WBP11: variants seen among roughly 807,000 people sequenced by gnomAD.
WBP11 encodes WW domain-binding protein 11.
A neutral mutation model predicts 66.7 loss-of-function variants in WBP11; 12 were observed. The ratio of observed to expected loss-of-function variants is 0.18; its 90% confidence interval spans 0.12 to 0.29. The LOEUF (loss-of-function observed/expected upper bound fraction) is 0.29, where lower values mean the gene tolerates loss of function less well. WBP11 is among the 10% of genes least tolerant of loss of function. WBP11 has a pLI of 1.00. For missense variants in WBP11, 555 were observed against 818.3 expected, an observed-to-expected ratio of 0.68 and a Z score of 3.93; for synonymous variants, 255 against 273.8, an observed-to-expected ratio of 0.93 and a Z score of 0.68.
At chr12:14,789,584 T>TA (rs903776410) in intron 10 of WBP11, among the ~76,000 whole-genome samples, 40 of 148,120 alleles carry the variant, frequency 2.7e-4, no homozygotes, top group East Asian at 7.8e-4. Context: ...GACTCCGTCT[T>TA]AAAAAAAAAA....
intron 11 of WBP11, among the ~76,000 whole-genome samples, chr12:14,788,085 C>CA (rs1182594611): frequency 2.6e-5 from 4 of 151,952 alleles, no homozygotes; most frequent in Admixed American, 6.6e-5. Flanking sequence ...ACTAAAAATA[C>CA]AAAATTAGCT....
chr12:14,798,328 T>C lies in WBP11; in HGVS notation c.190+1307A>G, dbSNP rs371331685. ...TGCCTGAGTTTTCTTACCTGTATAA[T>C]AGGGACAGTGCACCTACCCTAAAAA... On this transcript the variant is annotated intron_variant, in intron 4 of 11. Transcript: ENST00000261167. Among the ~76,000 whole-genome samples the C allele has an allele frequency of 3.3e-5, 5 of 152,112 alleles. No individual in the cohort carries two copies. In the East Asian group the frequency reaches 7.7e-4, roughly 23 times the overall value.
At position 14,788,978 on chromosome 12, in the gene WBP11, G is replaced by T; in HGVS notation, c.1465C>A (p.Pro489Thr). The change falls in exon 11 of 12, where the codon CCA becomes ACA. Residue 489 changes from proline (P) to threonine (T), a missense_variant. Pro to Thr is a conservative substitution (Grantham distance 38, BLOSUM62 -1). This residue lies in a region of WBP11 where 230 missense variants were observed against 286.3 expected (regional missense o/e 0.80). Transcript: ENST00000261167. ...GGAGGTGCAGGGGGAGGTAGCCTTG[G>T]TGGGGGTCCACGAGGAGGGGGACCA... ...PPGPPPRGPP[P>T]RLPPPAPPGI... 6.8e-7 allele frequency: 1 copy of T among 1,471,534 alleles called. No individual in the cohort carries two copies. Among genetic ancestry groups the T allele is most frequent in the Non-Finnish European group, 8.9e-7 (1 of 1,119,754 alleles). 91.2% of individuals were successfully genotyped at this position (1,471,534 alleles called of 1,614,324 possible).
rs1949900245 is a variant in WBP11, at chr12:14,796,886, A to G, written c.308T>C (p.Ile103Thr). 4 of 1,612,550 alleles carry G rather than the reference A, an allele frequency of 2.5e-6. No homozygotes were observed. Among genetic ancestry groups the G allele is most frequent in the Non-Finnish European group, 3.4e-6 (4 of 1,179,496 alleles). ...LRLYEKENPD[I>T]YKELRKLEVE... ...TTCTAGCTTTCTCAATTCTTTGTAA[A>G]TATCTGGATTCTCTTTTTCATAGAG... Residue 103 changes from isoleucine (I) to threonine (T), a missense_variant, in exon 5 of 12, where the codon ATT becomes ACT. Coordinates refer to ENST00000261167, the MANE Select transcript of WBP11 (RefSeq NM_016312.3). The surrounding 1 kb of genome is among the most constrained non-coding windows in gnomAD (Gnocchi z 4.5).
chr12:14,799,799 A>T, intron 3 of WBP11, 71 bp from the exon 4 acceptor site: 1 of 1,419,996 alleles, frequency 7.0e-7, no homozygotes, highest in Non-Finnish European at 9.6e-7. Flanking sequence ...TGCTTTAAGA[A>T]TCTAAACAGA....
intron 7 of WBP11, 28 bp downstream of exon 7, chr12:14,794,509 T>C: frequency 6.2e-7 from 1 of 1,611,672 alleles, no homozygotes; most frequent in Non-Finnish European, 8.5e-7. Flanking sequence ...ATGATAGTTA[T>C]AAAAGCAAAA....
chr12:14,802,490 G>T (rs1949977340), intron 1 of WBP11, among the ~76,000 whole-genome samples: 1 of 152,146 alleles, frequency 6.6e-6, no homozygotes, highest in African/African-American at 2.4e-5. Context: ...GGTATCAAAG[G>T]CTCTGATTTT....
Position 14,790,513 on chromosome 12 carries a change from CAGGTGGTGGTCCAAG to C in WBP11, c.1237_1251del (p.Leu413_Pro417del). The stretch of plus-strand genomic sequence containing the variant: ...GGCCCAGGAGGCCGTAATGGTGGAG[CAGGTGGTGGTCCAAG>C]AGGTGGTGGTCCTGGCATGGGAGGT... On this transcript the variant is annotated inframe_deletion, in exon 10 of 12. Transcript: ENST00000261167. 2.5e-6 allele frequency: 4 copies of C among 1,613,994 alleles called. No homozygotes were observed. The highest frequency in any genetic ancestry group is 1.1e-5 in the South Asian group (1 of 91,076).
At chr12:14,802,605 T>C (rs1350517774) in intron 1 of WBP11, among the ~76,000 whole-genome samples, 2 of 151,730 alleles carry the variant, frequency 1.3e-5, no homozygotes, top group Non-Finnish European at 2.9e-5. Flanking sequence ...GACTCACTAC[T>C]TAACTAAAAT....
chr12:14,800,728 T>C, intron 3 of WBP11, 24 bp downstream of exon 3: 1 of 1,596,560 alleles, frequency 6.3e-7, no homozygotes, highest in Admixed American at 1.7e-5. Flanking sequence ...CTTAAAGTTT[T>C]ATAAGATGCC....
chr12:14,800,014 T>G (rs1361017382), intron 3 of WBP11, among the ~76,000 whole-genome samples: 1 of 152,190 alleles, frequency 6.6e-6, no homozygotes, highest in East Asian at 1.9e-4. Context: ...TTTTAACCCC[T>G]TATGTTCTTG....
At position 14,786,799 on chromosome 12, in the gene WBP11, G is replaced by A; in HGVS notation, c.*266C>T. 1 of 338,672 alleles carries A rather than the reference G, an allele frequency of 3.0e-6. No homozygotes were observed. The highest frequency in any genetic ancestry group is 5.4e-6 in the Non-Finnish European group (1 of 184,326). The allele number at this position is 338,672 out of a possible 1,614,324, so 21.0% of individuals were successfully genotyped here. On this transcript the variant is annotated 3_prime_UTR_variant, in exon 12 of 12. Coordinates refer to ENST00000261167, the MANE Select transcript of WBP11 (RefSeq NM_016312.3). ...CCGATCACAAATTTCCAAAGAACTG[G>A]AGGAGGGGAAGAAACAGGGTGAAAA...
chr12:14,789,251 A>C (rs1565671453), intron 10 of WBP11, 118 bp from the exon 11 acceptor site: 2 of 950,950 alleles, frequency 2.1e-6, no homozygotes, highest in Non-Finnish European at 3.0e-6. Context: ...AACTTCAAGA[A>C]GTTAATGAAA....
intron 10 of WBP11, 94 bp from the exon 11 acceptor site, chr12:14,789,227 C>T (rs1592215558): frequency 1.0e-5 from 12 of 1,159,728 alleles, no homozygotes; most frequent in South Asian, 1.0e-4. Context: ...TTGACTTTAA[C>T]CTGAAATCAG....
Position 14,793,826 on chromosome 12 carries a change from T to C in WBP11, c.818A>G (p.Asp273Gly). Reference protein sequence around the residue: ...DQDKHDDSTDDSDTDKSDGES... With the variant: ...DQDKHDDSTDGSDTDKSDGES... Reference sequence around the variant, plus strand: ...TCCATCTGATTTGTCGGTGTCACTGTCATCAGTACTGTCATCATGCTTATC... The same window carrying C: ...TCCATCTGATTTGTCGGTGTCACTGCCATCAGTACTGTCATCATGCTTATC... Residue 273 changes from aspartate (D) to glycine (G), a missense_variant, in exon 8 of 12, where the codon GAC (aspartate) becomes GGC (glycine). By Grantham distance (94) the Asp-to-Gly change is moderately conservative. Around this residue, in one of 6 missense-constraint regions of WBP11, gnomAD observed 220 missense variants for 268.2 expected, o/e 0.82. Transcript: ENST00000261167. 6.2e-7 allele frequency: 1 copy of C among 1,614,104 alleles called. No individual in the cohort carries two copies. Among genetic ancestry groups the C allele is most frequent in the East Asian group, 2.2e-5 (1 of 44,876 alleles).
intron 4 of WBP11, among the ~76,000 whole-genome samples, chr12:14,798,386 C>A (rs1949917046): frequency 6.6e-6 from 1 of 152,102 alleles, no homozygotes; most frequent in African/African-American, 2.4e-5. Context: ...TGGAAAAAAA[C>A]TGGTGCGTAG....
At chr12:14,792,630 C>T (rs1036437881) in intron 8 of WBP11, among the ~76,000 whole-genome samples, 10 of 151,908 alleles carry the variant, frequency 6.6e-5, no homozygotes, top group African/African-American at 1.9e-4. Flanking sequence ...GTCAGGAGTT[C>T]GAAACCAGCC....
chr12:14,800,052 C>T lies in WBP11; in HGVS notation c.97-324G>A, dbSNP rs557107480. ...GACCTTGGGTGATTGTTCCTGCCCC[C>T]TGTTGTAAAACCTCTGCTAGTTGAA... On this transcript the variant is annotated intron_variant, in intron 3 of 11. Coordinates refer to ENST00000261167, the MANE Select transcript of WBP11 (RefSeq NM_016312.3). Among the ~76,000 whole-genome samples, 14 of 152,130 alleles carry T rather than the reference C, an allele frequency of 9.2e-5. 2 individuals carry two copies. In the South Asian group the frequency reaches 2.9e-3, roughly 32 times the overall value.
intron 8 of WBP11, 74 bp from the exon 9 acceptor site, chr12:14,791,344 T>TA: frequency 8.0e-7 from 1 of 1,256,534 alleles, no homozygotes; most frequent in Non-Finnish European, 1.2e-6. Flanking sequence ...CGTAGCACTA[T>TA]AAAGTACTAG....
Sources: allele counts gnomAD v4.1 joint callset (sites outside exome capture counted in the v4.1 genomes callset), GRCh38; gene constraint gnomAD v4.1.1; regional missense constraint gnomAD v4.1.1; non-coding constraint Gnocchi (gnomAD v3.1); transcripts MANE v1.5; gene names NCBI Gene and HGNC (gene_info 2026-07-23, HGNC 2026-07-21).